JAZF1: variants seen among roughly 807,000 people sequenced by gnomAD.
The protein encoded by JAZF1 is juxtaposed with another zinc finger protein 1.
JAZF1 carries 8 observed loss-of-function variants against 26.4 expected under a neutral mutation model. That is an observed-to-expected ratio of 0.30 (90% confidence interval 0.18 to 0.55). JAZF1 has a LOEUF of 0.55. Ranked by LOEUF, JAZF1 falls within the 20% of genes least tolerant of loss-of-function variation. JAZF1 has a pLI of 0.94. For missense variants in JAZF1, 199 were observed against 322.0 expected (o/e 0.62, Z 2.92); for synonymous variants, 126 against 122.3 (o/e 1.03, Z -0.20).
At chr7:27,931,793 GGAACCTGGGAGAATTGCTT>G (rs1309153020) in intron 2 of JAZF1, among the ~76,000 whole-genome samples, 10 of 151,720 alleles carry the variant, frequency 6.6e-5, no homozygotes, top group African/African-American at 1.9e-4. Context: ...GAGACGTGCT[GGAACCTGGGAGAATTGCTT>G]GAACCTGGGA....
chr7:27,869,130 C>T (rs1562772808), intron 3 of JAZF1, among the ~76,000 whole-genome samples: 1 of 152,316 alleles, frequency 6.6e-6, no homozygotes, highest in East Asian at 1.9e-4. Flanking sequence ...ATAAACACCA[C>T]ATAGTGATAA....
intron 1 of JAZF1, among the ~76,000 whole-genome samples, chr7:28,056,470 ACAC>A (rs770910607): frequency 7.0e-6 from 1 of 142,564 alleles, no homozygotes; most frequent in Admixed American, 6.9e-5. Flanking sequence ...ACACACACAC[ACAC>A]ACAATAAGAA....
At chr7:27,862,127 C>T (rs546610345) in intron 3 of JAZF1, among the ~76,000 whole-genome samples, 7 of 152,368 alleles carry the variant, frequency 4.6e-5, no homozygotes, top group Admixed American at 1.3e-4. Context: ...CTCCTGACTT[C>T]AGCCTTATCT....
chr7:28,141,353 T>A (rs1782956807), intron 1 of JAZF1, among the ~76,000 whole-genome samples: 2 of 152,216 alleles, frequency 1.3e-5, no homozygotes, highest in Non-Finnish European at 2.9e-5. Flanking sequence ...GAACTTGCCC[T>A]AAGTTCTTTA....
chr7:28,018,243 G>T (rs1235252511), intron 1 of JAZF1, among the ~76,000 whole-genome samples: 1 of 152,218 alleles, frequency 6.6e-6, no homozygotes, highest in East Asian at 1.9e-4. Context: ...CAGGGCACAG[G>T]CCTGGAGGCG....
chr7:28,102,289 G>C (rs991765067), intron 1 of JAZF1, among the ~76,000 whole-genome samples: 3 of 152,200 alleles, frequency 2.0e-5, no homozygotes, highest in African/African-American at 7.2e-5. Context: ...TACAAAAGTG[G>C]AAACAGTAAC....
chr7:28,010,877 A>C (rs1053959687), intron 1 of JAZF1, among the ~76,000 whole-genome samples: 1 of 152,230 alleles, frequency 6.6e-6, no homozygotes, highest in African/African-American at 2.4e-5. Context: ...TTCTAACAAG[A>C]GTGTCTACAG....
chr7:27,879,854 C>A (rs1783740147), intron 3 of JAZF1, among the ~76,000 whole-genome samples: 1 of 152,082 alleles, frequency 6.6e-6, no homozygotes, highest in African/African-American at 2.4e-5. Flanking sequence ...CAAGAACCTG[C>A]GAACACTCTG....
chr7:28,088,774 T>C (rs1373561924), intron 1 of JAZF1, among the ~76,000 whole-genome samples: 1 of 152,242 alleles, frequency 6.6e-6, no homozygotes, highest in African/African-American at 2.4e-5. Flanking sequence ...TTGCATTCTG[T>C]TGTCCCTTGT....
At chr7:28,016,113 G>C (rs1280397474) in intron 1 of JAZF1, among the ~76,000 whole-genome samples, 1 of 152,190 alleles carries the variant, frequency 6.6e-6, no homozygotes, top group Non-Finnish European at 1.5e-5. Flanking sequence ...GGTGCCTTCA[G>C]ACCAAGCCAG....
At chr7:28,045,801 T>C (rs1583528095) in intron 1 of JAZF1, among the ~76,000 whole-genome samples, 3 of 152,306 alleles carry the variant, frequency 2.0e-5, no homozygotes, top group African/African-American at 7.2e-5. Flanking sequence ...CTTGAACTCC[T>C]GGCCTCAAGT....
chr7:28,131,448 T>C (rs1267776303), intron 1 of JAZF1, among the ~76,000 whole-genome samples: 1 of 152,174 alleles, frequency 6.6e-6, no homozygotes, highest in Non-Finnish European at 1.5e-5. Context: ...GAGCCTTCTC[T>C]CCTTACATAA....
chr7:27,984,155 T>C (rs1025679552), intron 2 of JAZF1, among the ~76,000 whole-genome samples: 1 of 152,158 alleles, frequency 6.6e-6, no homozygotes, highest in Non-Finnish European at 1.5e-5. Flanking sequence ...CACAGACTGG[T>C]AAATTGGATT....
intron 3 of JAZF1, among the ~76,000 whole-genome samples, chr7:27,845,327 G>A (rs1455706824): frequency 2.6e-5 from 4 of 152,178 alleles, no homozygotes; most frequent in African/African-American, 9.7e-5. Context: ...TCTGGACTGG[G>A]GGGTCAGAAT....
chr7:28,104,024 C>G (rs1473668278), intron 1 of JAZF1, among the ~76,000 whole-genome samples: 3 of 152,188 alleles, frequency 2.0e-5, no homozygotes, highest in Non-Finnish European at 4.4e-5. Flanking sequence ...TCACTCCAGC[C>G]CCACTGGCCT....
At chr7:28,136,088 T>C (rs1782881193) in intron 1 of JAZF1, among the ~76,000 whole-genome samples, 1 of 152,242 alleles carries the variant, frequency 6.6e-6, no homozygotes, top group Admixed American at 6.5e-5. Flanking sequence ...AACGCTGCTA[T>C]GGAAGCCCAA....
chr7:27,986,951 T>C (rs189587545), intron 2 of JAZF1, among the ~76,000 whole-genome samples: 26 of 152,230 alleles, frequency 1.7e-4, no homozygotes, highest in Non-Finnish European at 3.4e-4. Flanking sequence ...TCTCGATCAC[T>C]CAGTGCTCAA....
intron 1 of JAZF1, among the ~76,000 whole-genome samples, chr7:28,126,823 G>A (rs740122): frequency 0.3 from 45,833 of 152,058 alleles, 8,071 homozygotes; most frequent in East Asian, 0.74. Context: ...GAAGGGAGGA[G>A]AGAGGAAGAG....
intron 1 of JAZF1, among the ~76,000 whole-genome samples, chr7:28,137,984 G>A (rs939020696): frequency 6.6e-6 from 1 of 152,196 alleles, no homozygotes; most frequent in African/African-American, 2.4e-5. Context: ...CAGTAGGTAA[G>A]TAAGTGGCAG....
Sources: allele counts gnomAD v4.1 joint callset (sites outside exome capture counted in the v4.1 genomes callset), GRCh38; gene constraint gnomAD v4.1.1; transcripts MANE v1.5; gene names NCBI Gene and HGNC (gene_info 2026-07-23, HGNC 2026-07-21).